PPP1R1C: variants seen among roughly 807,000 people sequenced by gnomAD.
The protein encoded by PPP1R1C is protein phosphatase 1 regulatory inhibitor subunit 1C, also known as protein phosphatase 1 regulatory subunit 1C.
Under a neutral mutation model 17.4 loss-of-function variants are expected in PPP1R1C, and 15 were observed. That is an observed-to-expected ratio of 0.86 (90% CI 0.58 to 1.33). The LOEUF (loss-of-function observed/expected upper bound fraction) is 1.33, where lower values mean the gene tolerates loss of function less well. Ranked by LOEUF, PPP1R1C falls within the 40% of genes most tolerant of loss-of-function variation. The pLI, the probability that PPP1R1C is intolerant of heterozygous loss-of-function variation, is 0.00. For synonymous variants in PPP1R1C, 35 were observed against 43.1 expected (o/e 0.81, Z 0.73); for missense variants, 143 against 130.0 (o/e 1.10, Z -0.48).
intron 2 of PPP1R1C, among the ~76,000 whole-genome samples, chr2:182,038,046 A>T (rs1057334265): frequency 6.6e-5 from 10 of 151,810 alleles, no homozygotes; most frequent in African/African-American, 1.5e-4. Context: ...TTTATTTTAT[A>T]TATATATTTG....
intron 1 of PPP1R1C, among the ~76,000 whole-genome samples, chr2:181,971,824 G>A (rs527408151): frequency 2.2e-4 from 33 of 152,144 alleles, no homozygotes; most frequent in Non-Finnish European, 4.6e-4. Context: ...TCTGCCTGAT[G>A]TTGCTTTCTG....
intron 2 of PPP1R1C, among the ~76,000 whole-genome samples, chr2:181,996,628 A>C (rs1004055985): frequency 2.6e-5 from 4 of 152,246 alleles, no homozygotes; most frequent in African/African-American, 9.6e-5. Flanking sequence ...ACACAATTAC[A>C]ATTTGACCTT....
At position 182,041,474 on chromosome 2, in the gene PPP1R1C, C is replaced by T. The variant is rs3106774; in HGVS notation, c.143-19968C>T. On this transcript the variant is annotated intron_variant, in intron 2 of 4. Coordinates refer to ENST00000682840, the MANE Select transcript of PPP1R1C (RefSeq NM_001080545.3). ...AAATACAAAAATTAGCCAGTTGTGG[C>T]GGCAGCTGCCTGTACTCCCAGCTAC... 1.6e-3 allele frequency among the ~76,000 whole-genome samples: 236 copies of T among 151,554 alleles called. 2 individuals are homozygous for T. The highest frequency in any genetic ancestry group is 5.2e-3 in the African/African-American group (215 of 41,216).
At chr2:182,060,464 T>C (rs1687818140) in intron 2 of PPP1R1C, among the ~76,000 whole-genome samples, 1 of 152,122 alleles carries the variant, frequency 6.6e-6, no homozygotes, top group Non-Finnish European at 1.5e-5. Flanking sequence ...CAGATAGGGA[T>C]AAAACAGAAT....
chr2:181,979,942 A>G (rs1685164172), intron 2 of PPP1R1C, among the ~76,000 whole-genome samples: 1 of 152,222 alleles, frequency 6.6e-6, no homozygotes, highest in Non-Finnish European at 1.5e-5. Flanking sequence ...GGCAAATAAA[A>G]GAATGTCTGT....
At chr2:182,003,848 T>TG in intron 2 of PPP1R1C, among the ~76,000 whole-genome samples, 1 of 152,148 alleles carries the variant, frequency 6.6e-6, no homozygotes, top group East Asian at 1.9e-4. Flanking sequence ...GATTGTTTCA[T>TG]AAACAAATCA....
intron 1 of PPP1R1C, among the ~76,000 whole-genome samples, chr2:181,955,175 CT>C (rs1308606854): frequency 4.6e-5 from 7 of 152,170 alleles, no homozygotes; most frequent in Non-Finnish European, 1.0e-4. Flanking sequence ...ATAAATCATC[CT>C]TCTGAGTCAC....
At chr2:181,982,712 A>G (rs1338854892), upstream of PPP1R1C, among the ~76,000 whole-genome samples, 1 of 152,138 alleles carries the variant, frequency 6.6e-6, no homozygotes, top group Non-Finnish European at 1.5e-5. Context: ...GAGGCCACAG[A>G]AAGACTGGTG....
intron 4 of PPP1R1C, among the ~76,000 whole-genome samples, chr2:182,089,377 T>G (rs1481414517): frequency 1.3e-5 from 2 of 152,200 alleles, no homozygotes; most frequent in African/African-American, 2.4e-5. Flanking sequence ...TGGTTTTAAC[T>G]GGCCCAACTA....
intron 2 of PPP1R1C, among the ~76,000 whole-genome samples, chr2:181,994,663 T>A (rs1042372604): frequency 6.6e-6 from 1 of 152,200 alleles, no homozygotes; most frequent in Admixed American, 6.5e-5. Flanking sequence ...TTAAAGCTGT[T>A]TATTGGTTTA....
At chr2:182,093,658 C>G (rs1688850947) in intron 4 of PPP1R1C, among the ~76,000 whole-genome samples, 3 of 152,164 alleles carry the variant, frequency 2.0e-5, no homozygotes, top group African/African-American at 7.2e-5. Flanking sequence ...GCCAGATACC[C>G]TAAATCAACT....
chr2:182,027,902 T>G (rs181694121), intron 2 of PPP1R1C, among the ~76,000 whole-genome samples: 1 of 114,754 alleles, frequency 8.7e-6, no homozygotes. Flanking sequence ...TGTTATTGGT[T>G]TATTCAGAGA....
intron 1 of PPP1R1C, among the ~76,000 whole-genome samples, chr2:181,968,450 CT>C (rs144015576): frequency 0.015 from 2,264 of 152,104 alleles, 50 homozygotes; most frequent in African/African-American, 0.051. Context: ...ATATAATGAC[CT>C]TTTTGTCCTT....
At chr2:182,044,392 G>T (rs1334767558) in intron 2 of PPP1R1C, among the ~76,000 whole-genome samples, 1 of 152,004 alleles carries the variant, frequency 6.6e-6, no homozygotes, top group Non-Finnish European at 1.5e-5. Context: ...CCAAATATTT[G>T]AGCTTTTTCT....
chr2:182,049,234 G>T (rs954239265), intron 2 of PPP1R1C, among the ~76,000 whole-genome samples: 1 of 151,122 alleles, frequency 6.6e-6, no homozygotes, highest in Non-Finnish European at 1.5e-5. Context: ...GGAGGCAGAG[G>T]CAGGAGAATC....
Position 182,024,857 on chromosome 2 carries a change from AAAACAAACAAAC to A in PPP1R1C, c.143-36561_143-36550del, listed in dbSNP as rs374519097. Among the ~76,000 whole-genome samples the A allele has an allele frequency of 8.4e-4, 126 of 150,782 alleles. 1 individual carries two copies. Among genetic ancestry groups the A allele is most frequent in the African/African-American group, 2.8e-3 (114 of 41,026 alleles). On this transcript the variant is annotated intron_variant, in intron 2 of 4. Transcript: ENST00000682840. The stretch of plus-strand genomic sequence containing the variant: ...GCAACAAAGCAAGAATCTGTCTCAA[AAAACAAACAAAC>A]AAACAAACAAACAAACAAACAAAAA...
exon 6 of PPP1R1C, chr2:182,129,444 A>G (rs1217658276): frequency 6.6e-6 from 1 of 152,058 alleles, no homozygotes; most frequent in African/African-American, 2.4e-5. Context: ...GATTTAATTT[A>G]GTTCCACAGA....
In PPP1R1C at chr2:181,961,963, C is replaced by T. The variant is rs1469446200; in HGVS notation, n.111+7329C>T. Reference sequence around the variant, plus strand: ...CACTCCCCACAGACGGGTGCATGGCCAGCTCTGTCTCATACTTGACTCTAA... The same window carrying T: ...CACTCCCCACAGACGGGTGCATGGCTAGCTCTGTCTCATACTTGACTCTAA... On this transcript the variant is annotated intron_variant and non_coding_transcript_variant, in intron 1 of 5. Coordinates refer to the PPP1R1C transcript ENST00000464264. This position sits in a 1 kb window ranked among gnomAD's most constrained non-coding sequence, Gnocchi z 5.8. The T allele has an allele frequency of 4.1e-6, 3 of 736,534 alleles. No individual in the cohort carries two copies. The highest frequency in any genetic ancestry group is 7.5e-6 in the Non-Finnish European group (3 of 399,422). 45.6% of individuals were successfully genotyped at this position (736,534 alleles called of 1,614,324 possible).
chr2:181,983,911 G>C (rs902424773), upstream of PPP1R1C, among the ~76,000 whole-genome samples: 3 of 152,082 alleles, frequency 2.0e-5, no homozygotes, highest in African/African-American at 7.2e-5. Flanking sequence ...TAAAAAACAA[G>C]AAGCTTAAAG....
Sources: allele counts gnomAD v4.1 joint callset (sites outside exome capture counted in the v4.1 genomes callset), GRCh38; gene constraint gnomAD v4.1.1; non-coding constraint Gnocchi (gnomAD v3.1); transcripts MANE v1.5; gene names NCBI Gene and HGNC (gene_info 2026-07-23, HGNC 2026-07-21).